The following NUCB2 variants were observed in gnomAD, a reference collection of about 807,000 sequenced individuals.
The protein encoded by NUCB2 is nucleobindin-2.
NUCB2 carries 48 observed loss-of-function variants against 57.9 expected under a neutral mutation model. That is an observed-to-expected ratio of 0.83 (90% CI 0.66 to 1.05). The LOEUF is 1.05. Ranked by LOEUF, NUCB2 falls within the 50% of genes least tolerant of loss-of-function variation. The pLI, the probability that NUCB2 is intolerant of heterozygous loss-of-function variation, is 0.00. For synonymous variants in NUCB2, 139 were observed against 152.1 expected, an observed-to-expected ratio of 0.91 and a Z score of 0.64; for missense variants, 442 against 476.2, an observed-to-expected ratio of 0.93 and a Z score of 0.67.
intron 5 of NUCB2, among the ~76,000 whole-genome samples, chr11:17,302,648 G>A (rs1206684362): frequency 6.6e-6 from 1 of 152,006 alleles, no homozygotes; most frequent in Non-Finnish European, 1.5e-5. Context: ...ATAGCTCACT[G>A]CAGCCTTGAA....
At chr11:17,287,337 A>G (rs1202412562) in intron 2 of NUCB2, among the ~76,000 whole-genome samples, 1 of 151,980 alleles carries the variant, frequency 6.6e-6, no homozygotes, top group Non-Finnish European at 1.5e-5. Context: ...GTCTCAAAAA[A>G]CAAAAAAGCC....
intron 11 of NUCB2, among the ~76,000 whole-genome samples, chr11:17,327,702 A>G (rs1950872674): frequency 6.6e-6 from 1 of 152,150 alleles, no homozygotes; most frequent in African/African-American, 2.4e-5. Flanking sequence ...CAGTTCTGCT[A>G]TTAAGAGACT....
intron 3 of NUCB2, 36 bp from the exon 4 acceptor site, chr11:17,296,068 C>A: frequency 7.7e-7 from 1 of 1,292,996 alleles, no homozygotes; most frequent in Non-Finnish European, 1.1e-6. Flanking sequence ...AAGGAAAAAC[C>A]TGCAGAAGCA....
At chr11:17,307,383 T>A (rs1244726062) in intron 5 of NUCB2, among the ~76,000 whole-genome samples, 1 of 146,948 alleles carries the variant, frequency 6.8e-6, no homozygotes, top group Non-Finnish European at 1.5e-5. Flanking sequence ...TGTACTCCTA[T>A]TCCTGGCTTC....
intron 2 of NUCB2, among the ~76,000 whole-genome samples, chr11:17,290,828 G>C (rs1231038905): frequency 1.3e-5 from 2 of 151,738 alleles, no homozygotes; most frequent in Non-Finnish European, 2.9e-5. Context: ...GGTGAATAGT[G>C]GTTCATGAAT....
intron 6 of NUCB2, among the ~76,000 whole-genome samples, chr11:17,309,949 A>G (rs1333331432): frequency 6.6e-6 from 1 of 152,202 alleles, no homozygotes; most frequent in Non-Finnish European, 1.5e-5. Context: ...TATTTAACCT[A>G]CTTAGTGTGA....
At chr11:17,313,186 CT>C (rs1431870591) in intron 10 of NUCB2, among the ~76,000 whole-genome samples, 1 of 151,846 alleles carries the variant, frequency 6.6e-6, no homozygotes, top group Non-Finnish European at 1.5e-5. Flanking sequence ...TTTGTAACTA[CT>C]TTAAAATATT....
At chr11:17,319,338 GTCCGAAT>G (rs1429321324) in intron 11 of NUCB2, among the ~76,000 whole-genome samples, 1 of 152,122 alleles carries the variant, frequency 6.6e-6, no homozygotes, top group Non-Finnish European at 1.5e-5. Flanking sequence ...CTTCTGACAT[GTCCGAAT>G]GATTCTTTGG....
rs11024237 is a variant in NUCB2, at chr11:17,288,190, A to C, written c.-1+5247A>C. Among the ~76,000 whole-genome samples, 704 of 152,374 alleles carry C rather than the reference A, an allele frequency of 4.6e-3. 9 individuals carry two copies. Among genetic ancestry groups the C allele is most frequent in the African/African-American group, 0.016 (673 of 41,578 alleles). ...GTTTAATTTCTTTATGTGTGCATAA[A>C]AATGATGTGAGAAAAATCTATGATA... On this transcript the variant is annotated intron_variant, in intron 2 of 13. Transcript: ENST00000529010.
intron 2 of NUCB2, among the ~76,000 whole-genome samples, chr11:17,285,511 A>G (rs1943534895): frequency 6.6e-6 from 1 of 150,494 alleles, no homozygotes; most frequent in Non-Finnish European, 1.5e-5. Flanking sequence ...CAGGAGGCGG[A>G]GGTTGCAGTG....
chr11:17,279,599 C>T (rs192165033), intron 1 of NUCB2, among the ~76,000 whole-genome samples: 6 of 152,210 alleles, frequency 3.9e-5, no homozygotes, highest in Admixed American at 1.3e-4. Context: ...TGAATGTGAT[C>T]TTTCAAAATA....
chr11:17,337,407 C>G (rs1468374944), exon 2 of NUCB2: 1 of 152,174 alleles, frequency 6.6e-6, no homozygotes, highest in African/African-American at 2.4e-5. Flanking sequence ...TGAGCTTCAT[C>G]GTTTGTCATG....
chr11:17,331,018 A>G (rs1484980871), intron 13 of NUCB2, 35 bp downstream of exon 13: 1 of 1,292,466 alleles, frequency 7.7e-7, no homozygotes, highest in East Asian at 2.5e-5. Flanking sequence ...ATTTAGGAAA[A>G]TAAATTATTT....
At chr11:17,328,410 G>A (rs1950962838) in intron 11 of NUCB2, among the ~76,000 whole-genome samples, 2 of 152,204 alleles carry the variant, frequency 1.3e-5, no homozygotes, top group African/African-American at 4.8e-5. Context: ...CAGATCCTGG[G>A]TGTGTCCAGA....
chr11:17,302,023 C>T (rs1490379100), intron 5 of NUCB2, among the ~76,000 whole-genome samples, 153 bp downstream of exon 5: 4 of 152,150 alleles, frequency 2.6e-5, no homozygotes, highest in African/African-American at 7.2e-5. Context: ...TCTCAACCTC[C>T]TGAGTAGCTG....
In NUCB2 at chr11:17,311,947, A is replaced by G. The variant is rs1948543236; in HGVS notation, c.819+17A>G. The stretch of plus-strand genomic sequence containing the variant: ...ACTAAAGAGGTAAAGGAGTTTATTA[A>G]GTATTCAGTGTTCTTGTTCTCTCTC... On this transcript the variant is annotated intron_variant, in intron 9 of 13. Coordinates refer to ENST00000529010, the MANE Select transcript of NUCB2 (RefSeq NM_005013.4). The G allele has an allele frequency of 6.4e-7, 1 of 1,561,598 alleles. No individual in the cohort carries two copies. The highest frequency in any genetic ancestry group is 8.8e-7 in the Non-Finnish European group (1 of 1,142,340).
chr11:17,278,864 G>C (rs1941933974), intron 1 of NUCB2, among the ~76,000 whole-genome samples: 1 of 152,110 alleles, frequency 6.6e-6, no homozygotes. Context: ...TGGGTAGCTG[G>C]CAGAAGCAAG....
In NUCB2 at chr11:17,331,664, A is replaced by G; in HGVS notation, c.*245A>G. On this transcript the variant is annotated 3_prime_UTR_variant, in exon 14 of 14. Transcript: ENST00000529010. ...GCTCTCACATTCACACGGCTCTTTT[A>G]TTTATTTTTTTGTTCTCCTTTAATG... 1 of 362,258 alleles carries G rather than the reference A, an allele frequency of 2.8e-6. No homozygotes were observed. The highest frequency in any genetic ancestry group is 5.0e-6 in the Non-Finnish European group (1 of 201,972). The allele number at this position is 362,258 out of a possible 1,614,324, so 22.4% of individuals were successfully genotyped here. A position where few individuals can be genotyped will look rare whatever the true frequency, so the allele number is the denominator to read the frequency against.
chr11:17,349,117 A>G (rs1591669910), intron 2 of NUCB2, among the ~76,000 whole-genome samples: 2 of 152,166 alleles, frequency 1.3e-5, no homozygotes, highest in East Asian at 3.9e-4. Flanking sequence ...TCTCTCTCCA[A>G]CTTGCTTTTG....
Sources: allele counts gnomAD v4.1 joint callset (sites outside exome capture counted in the v4.1 genomes callset), GRCh38; gene constraint gnomAD v4.1.1; transcripts MANE v1.5; gene names NCBI Gene and HGNC (gene_info 2026-07-23, HGNC 2026-07-21).